The following GEMIN5 variants were observed in gnomAD, a reference collection of about 807,000 sequenced individuals.
GEMIN5 encodes gem nuclear organelle associated protein 5.
A neutral mutation model predicts 176.9 loss-of-function variants in GEMIN5; 124 were observed. The ratio of observed to expected loss-of-function variants is 0.70; its 90% confidence interval spans 0.61 to 0.81. The LOEUF is 0.81. Among genes scored for constraint, GEMIN5 ranks in the 40% least tolerant of loss-of-function variants. The probability of loss-of-function intolerance (pLI) is 0.00; values close to 1 mark genes in which losing one functional copy is unlikely to be tolerated. For synonymous variants in GEMIN5, 673 were observed against 665.2 expected (o/e 1.01, Z -0.18); for missense variants, 1,843 against 1,814.6 (o/e 1.02, Z -0.28).
At chr5:154,932,403 C>A (rs902769297) in intron 3 of GEMIN5, among the ~76,000 whole-genome samples, 153 bp from the exon 4 acceptor site, 3 of 152,124 alleles carry the variant, frequency 2.0e-5, no homozygotes, top group African/African-American at 4.8e-5. Context: ...AATAATTTTG[C>A]TTTTTCCTTT....
At chr5:154,926,876 T>C (rs533438293) in intron 7 of GEMIN5, among the ~76,000 whole-genome samples, 1 of 152,186 alleles carries the variant, frequency 6.6e-6, no homozygotes, top group South Asian at 2.1e-4. Context: ...AAACTCCATC[T>C]CTACTAAAAA....
At position 154,938,113 on chromosome 5, in the gene GEMIN5, C is replaced by T. The variant is rs1350766811; in HGVS notation, c.21G>A (p.Thr7=). ...AGTACCAGTTGGGGGAGGGCGGCAG[C>T]GTCCGCGGCTCCTGCCCCATAACTA... The part of the protein sequence containing the change: MGQEPR[T]LPPSPNWYCA... The change falls in exon 1 of 28, where the codon ACG becomes ACA. Residue 7 remains threonine, a synonymous_variant. Transcript: ENST00000285873. 1.4e-6 allele frequency: 2 copies of T among 1,405,776 alleles called. No individual in the cohort carries two copies. The highest frequency in any genetic ancestry group is 1.6e-5 in the South Asian group (1 of 61,282). 87.1% of individuals were successfully genotyped at this position (1,405,776 alleles called of 1,614,324 possible).
At chr5:154,919,339 A>C (rs1026496509) in intron 11 of GEMIN5, among the ~76,000 whole-genome samples, 5 of 152,142 alleles carry the variant, frequency 3.3e-5, no homozygotes, top group Admixed American at 1.3e-4. Context: ...CACACACACA[A>C]AAAAGGGTAA....
At chr5:154,911,661 T>A (rs1582662861) in intron 15 of GEMIN5, 66 bp downstream of exon 15, 14 of 1,397,048 alleles carry the variant, frequency 1.0e-5, no homozygotes, top group Non-Finnish European at 1.4e-5. Context: ...CCTTGCTCAA[T>A]CCTGATCAAC....
At chr5:154,920,719 T>C (rs1437326554) in intron 10 of GEMIN5, among the ~76,000 whole-genome samples, 1 of 152,254 alleles carries the variant, frequency 6.6e-6, no homozygotes. Context: ...ACTTATCCTC[T>C]CTATGTAATG....
At chr5:154,921,550 T>A in intron 9 of GEMIN5, 125 bp from the exon 10 acceptor site, 1 of 610,462 alleles carries the variant, frequency 1.6e-6, no homozygotes, top group East Asian at 3.1e-5. Context: ...AGAAAAATAA[T>A]TCAACAATAT....
chr5:154,924,441 A>T, intron 9 of GEMIN5, 28 bp downstream of exon 9: 1 of 1,464,004 alleles, frequency 6.8e-7, no homozygotes. Flanking sequence ...CCCGGGCCAC[A>T]ATGGAAGAAG....
chr5:154,895,581 A>G (rs566641622), intron 24 of GEMIN5, among the ~76,000 whole-genome samples: 60 of 152,354 alleles, frequency 3.9e-4, no homozygotes, highest in African/African-American at 1.4e-3. Context: ...TTTATTTTAT[A>G]AAGTCCTCAA....
At chr5:154,913,674 G>A (rs191745599) in intron 13 of GEMIN5, among the ~76,000 whole-genome samples, 5 of 152,130 alleles carry the variant, frequency 3.3e-5, no homozygotes, top group Non-Finnish European at 5.9e-5. Flanking sequence ...AAAATTAACC[G>A]GGTGTGTTGG....
rs1763707674 is a variant in GEMIN5, at chr5:154,911,866, G to A, written c.2028C>T (p.Cys676=). 6.2e-7 allele frequency: 1 copy of A among 1,613,942 alleles called. No homozygotes were observed. The highest frequency in any genetic ancestry group is 8.5e-7 in the Non-Finnish European group (1 of 1,179,974). ...GTCGACCTCGATGTCCTCGGAAATT[G>A]CACAGGGGCTCTTCCCGGAGAGCAT... is the stretch of plus-strand genomic sequence containing the variant. The part of the protein sequence containing the change: ...VWDALREEPL[C]NFRGHRGRLL... The change falls in exon 15 of 28, where the codon TGC becomes TGT. Residue 676 remains cysteine (C), a synonymous_variant. Coordinates refer to ENST00000285873, the MANE Select transcript of GEMIN5 (RefSeq NM_015465.5).
intron 22 of GEMIN5, among the ~76,000 whole-genome samples, chr5:154,898,885 C>T: frequency 6.6e-6 from 1 of 152,056 alleles, no homozygotes; most frequent in East Asian, 1.9e-4. Context: ...GGAATGACTC[C>T]TCTGTTGGGT....
In GEMIN5 at chr5:154,921,262, C is replaced by G. The variant is rs557387158; in HGVS notation, c.1462+81G>C. The G allele has an allele frequency of 2.0e-4, 159 of 782,974 alleles. No individual in the cohort carries two copies. The African/African-American group carries it at 2.5e-3, about 12-fold the overall frequency. 48.5% of individuals were successfully genotyped at this position (782,974 alleles called of 1,614,324 possible). Reference sequence around the variant, plus strand: ...AGTCAGTGCACTAGACCATTTATGACTCTTTCCATCTTTAATATTTTAGGA... The same window carrying G: ...AGTCAGTGCACTAGACCATTTATGAGTCTTTCCATCTTTAATATTTTAGGA... On this transcript the variant is annotated intron_variant, in intron 10 of 27. Coordinates refer to ENST00000285873, the MANE Select transcript of GEMIN5 (RefSeq NM_015465.5).
In GEMIN5 at chr5:154,928,556, T is replaced by C. The variant is rs748173035; in HGVS notation, c.885A>G (p.Gln295=). Residue 295 remains glutamine (Q), a synonymous_variant, in exon 6 of 28, where the codon CAA becomes CAG. Coordinates refer to ENST00000285873, the MANE Select transcript of GEMIN5 (RefSeq NM_015465.5). The part of the protein sequence containing the change: ...LWLTLHWPSN[Q]PTQLVSSCFG... ...AACAGCTAGATACCAGCTGTGTTGGTTGATTGCTGGGCCAATGGAGTGTCA... is the reference window on the plus strand; with the variant it reads ...AACAGCTAGATACCAGCTGTGTTGGCTGATTGCTGGGCCAATGGAGTGTCA... The C allele has an allele frequency of 1.1e-5, 17 of 1,614,040 alleles. No individual in the cohort carries two copies. Among genetic ancestry groups the C allele is most frequent in the Admixed American group, 1.7e-5 (1 of 60,006 alleles).
At chr5:154,930,448 A>G (rs1764137547) in intron 5 of GEMIN5, among the ~76,000 whole-genome samples, 3 of 152,350 alleles carry the variant, frequency 2.0e-5, no homozygotes, top group African/African-American at 7.2e-5. Context: ...TTTATTTATA[A>G]CAAGTGGATG....
At chr5:154,918,882 A>C (rs1397868200) in intron 11 of GEMIN5, among the ~76,000 whole-genome samples, 2 of 150,006 alleles carry the variant, frequency 1.3e-5, no homozygotes, top group African/African-American at 2.5e-5. Context: ...TGTCTCTACT[A>C]AAGACACAAA....
rs771800125 is a variant in GEMIN5, at chr5:154,896,264, G to T, written c.3425C>A (p.Ser1142Tyr). The change falls in exon 24 of 28, where the codon TCC becomes TAC. Residue 1142 changes from serine to tyrosine, a missense_variant. By Grantham distance (144) the Ser-to-Tyr change is moderately radical. Transcript: ENST00000285873. ...CGTGTTCCAAGTGTGGTAAGAGGAG[G>T]AGCTTTTGCCCTCTGAAAGCTGCTT... ...EEKQLSEGKS[S>Y]SSYHTWNTGT... The T allele has an allele frequency of 1.1e-5, 18 of 1,613,414 alleles. No homozygotes were observed. The highest frequency in any genetic ancestry group is 1.5e-5 in the Non-Finnish European group (18 of 1,179,786).
chr5:154,937,167 CCCA>C lies in GEMIN5; in HGVS notation c.182_184del (p.Val61del). 6.2e-7 allele frequency: 1 copy of C among 1,610,458 alleles called. No individual in the cohort carries two copies. The highest frequency in any genetic ancestry group is 1.1e-5 in the South Asian group (1 of 90,706). ...GAAGCCAGAGACCCTTTCGGTGTGTCCCACCAACTCTCCTATGACTTTAAGCAA... is the reference window on the plus strand; with the variant it reads ...GAAGCCAGAGACCCTTTCGGTGTGTCCCAACTCTCCTATGACTTTAAGCAA... On this transcript the variant is annotated inframe_deletion, in exon 2 of 28. Coordinates refer to ENST00000285873, the MANE Select transcript of GEMIN5 (RefSeq NM_015465.5).
At chr5:154,906,827 G>C (rs1763578271) in intron 16 of GEMIN5, among the ~76,000 whole-genome samples, 1 of 152,166 alleles carries the variant, frequency 6.6e-6, no homozygotes, top group Non-Finnish European at 1.5e-5. Flanking sequence ...CTATATTCTA[G>C]CCATTTCAAT....
intron 10 of GEMIN5, among the ~76,000 whole-genome samples, chr5:154,921,141 T>C (rs1432095587): frequency 6.6e-6 from 1 of 152,166 alleles, no homozygotes; most frequent in Non-Finnish European, 1.5e-5. Flanking sequence ...TTGGGGAAGC[T>C]TATTATGGGT....
Sources: gnomAD v4.1 joint callset for allele counts (sites outside exome capture counted in the v4.1 genomes callset) on GRCh38, gnomAD v4.1.1 for gene constraint, MANE v1.5 for transcripts, NCBI Gene and HGNC (gene_info 2026-07-23, HGNC 2026-07-21) for gene names.